EPHA4: variants seen among roughly 807,000 people sequenced by gnomAD.
The protein encoded by EPHA4 is EPH receptor A4, also known as ephrin type-A receptor 4.
Under a neutral mutation model 108.3 loss-of-function variants are expected in EPHA4, and 19 were observed. The ratio of observed to expected loss-of-function variants is 0.18; its 90% CI spans 0.12 to 0.26. The LOEUF (loss-of-function observed/expected upper bound fraction) is 0.26, where lower values mean the gene tolerates loss of function less well. Ranked by LOEUF, EPHA4 falls within the 10% of genes least tolerant of loss-of-function variation. EPHA4 has a pLI of 1.00. For missense variants in EPHA4, 917 were observed against 1,254.0 expected (o/e 0.73, Z 4.06); for synonymous variants, 449 against 455.5 (o/e 0.99, Z 0.18).
chr2:221,437,134 A>G lies in EPHA4; in HGVS notation c.2075-12T>C. ...CATTACTGGTTTACCTAGAGTTTTC[A>G]GAAAGAAAAACACAAACCTTTGATG... is the stretch of plus-strand genomic sequence containing the variant. On this transcript the variant is annotated splice_polypyrimidine_tract_variant and intron_variant, in intron 11 of 17. Coordinates refer to ENST00000281821, the MANE Select transcript of EPHA4 (RefSeq NM_004438.5). 6.2e-7 allele frequency: 1 copy of G among 1,606,890 alleles called. No homozygotes were observed. Among genetic ancestry groups the G allele is most frequent in the Non-Finnish European group, 8.5e-7 (1 of 1,174,692 alleles).
At chr2:221,443,454 A>G in intron 10 of EPHA4, 39 bp downstream of exon 10, 1 of 1,461,926 alleles carries the variant, frequency 6.8e-7, no homozygotes, top group Non-Finnish European at 9.6e-7. Flanking sequence ...ATCCACCAAG[A>G]AAACAGACTC....
chr2:221,553,598 T>C (rs577608164), intron 3 of EPHA4, among the ~76,000 whole-genome samples: 1 of 152,294 alleles, frequency 6.6e-6, no homozygotes, highest in African/African-American at 2.4e-5. Flanking sequence ...GAAGCGATTG[T>C]TACAGAAACA....
chr2:221,516,079 T>A (rs1692980416), intron 3 of EPHA4, among the ~76,000 whole-genome samples: 2 of 152,100 alleles, frequency 1.3e-5, no homozygotes, highest in South Asian at 4.1e-4. Flanking sequence ...CTCAAGGCTG[T>A]GTTAAGGTTA....
chr2:221,518,895 C>T (rs1389009443), intron 3 of EPHA4, among the ~76,000 whole-genome samples: 1 of 151,958 alleles, frequency 6.6e-6, no homozygotes, highest in African/African-American at 2.4e-5. Flanking sequence ...CACTTGTCTC[C>T]CAGAGGAAGG....
chr2:221,567,733 C>T (rs1484312648), intron 2 of EPHA4, among the ~76,000 whole-genome samples: 2 of 152,108 alleles, frequency 1.3e-5, no homozygotes, highest in South Asian at 4.1e-4. Context: ...ATTTAAAATC[C>T]TTCATTCTTT....
chr2:221,523,292 A>AT (rs1175259687), intron 3 of EPHA4, among the ~76,000 whole-genome samples: 116 of 147,202 alleles, frequency 7.9e-4, no homozygotes, highest in South Asian at 4.5e-3. Context: ...TTAGTCAATA[A>AT]TTTTTTTTTT....
intron 3 of EPHA4, among the ~76,000 whole-genome samples, chr2:221,552,472 C>A (rs1451113940): frequency 6.6e-6 from 1 of 152,204 alleles, no homozygotes; most frequent in Non-Finnish European, 1.5e-5. Flanking sequence ...AGCCTCCTGG[C>A]ACCTCTGTCA....
intron 11 of EPHA4, among the ~76,000 whole-genome samples, chr2:221,440,688 G>A (rs945516678): frequency 6.6e-6 from 1 of 150,826 alleles, no homozygotes; most frequent in African/African-American, 2.4e-5. Context: ...CACTGAACAC[G>A]TACGAGGTTT....
intron 4 of EPHA4, among the ~76,000 whole-genome samples, chr2:221,500,284 C>A (rs1692450773): frequency 6.6e-6 from 1 of 152,098 alleles, no homozygotes; most frequent in African/African-American, 2.4e-5. Flanking sequence ...GCTAGCCCTC[C>A]AAGCACAGAT....
intron 4 of EPHA4, among the ~76,000 whole-genome samples, chr2:221,487,718 T>C (rs1692019867): frequency 6.6e-6 from 1 of 152,192 alleles, no homozygotes; most frequent in South Asian, 2.1e-4. Context: ...TATAAATTAA[T>C]CAAATGCTGA....
chr2:221,497,116 G>A (rs1444833899), intron 4 of EPHA4, among the ~76,000 whole-genome samples: 1 of 152,148 alleles, frequency 6.6e-6, no homozygotes, highest in Non-Finnish European at 1.5e-5. Flanking sequence ...TCAACCTGCT[G>A]TGGAGGCAGT....
At chr2:221,507,077 T>C (rs1200182872) in intron 3 of EPHA4, among the ~76,000 whole-genome samples, 1 of 152,206 alleles carries the variant, frequency 6.6e-6, no homozygotes, top group Admixed American at 6.5e-5. Context: ...AGGCCAGATT[T>C]TGCCCATGGG....
Position 221,519,592 on chromosome 2 carries a change from C to A in EPHA4, c.824-18420G>T, listed in dbSNP as rs59356484. On this transcript the variant is annotated intron_variant, in intron 3 of 17. Coordinates refer to ENST00000281821, the MANE Select transcript of EPHA4 (RefSeq NM_004438.5). ...TATTAGGTTGGTACAAAAGTCATTG[C>A]GATCTTTGCCATTACTTTCAATGGC... is the stretch of plus-strand genomic sequence containing the variant. Among the ~76,000 whole-genome samples the A allele has an allele frequency of 2.6e-5, 4 of 152,182 alleles. No homozygotes were observed. The South Asian group carries it at 8.3e-4, about 31-fold the overall frequency.
rs759867699 is a variant in EPHA4, at chr2:221,430,083, C to T, written c.2565G>A (p.Gln855=). 1.2e-6 allele frequency: 2 copies of T among 1,613,874 alleles called. No individual in the cohort carries two copies. The highest frequency in any genetic ancestry group is 1.7e-6 in the Non-Finnish European group (2 of 1,180,004). ...PPMDCPIALH[Q]LMLDCWQKER... is the part of the protein sequence containing the mutation. Reference sequence around the variant, plus strand: ...CCTTCTGCCAGCAGTCTAGCATCAGCTGGTGGAGCGCAATGGGGCAGTCCA... The same window carrying T: ...CCTTCTGCCAGCAGTCTAGCATCAGTTGGTGGAGCGCAATGGGGCAGTCCA... Residue 855 remains glutamine, a synonymous_variant, in exon 15 of 18, where the codon CAG becomes CAA. Transcript: ENST00000281821.
At chr2:221,453,025 C>G (rs1690834145) in intron 8 of EPHA4, among the ~76,000 whole-genome samples, 1 of 152,262 alleles carries the variant, frequency 6.6e-6, no homozygotes, top group Admixed American at 6.5e-5. Context: ...TAACTTATTT[C>G]TCATTACTCC....
At chr2:221,515,739 C>T (rs889802578) in intron 3 of EPHA4, among the ~76,000 whole-genome samples, 2 of 152,094 alleles carry the variant, frequency 1.3e-5, no homozygotes, top group African/African-American at 4.8e-5. Context: ...ATCCTTTGAG[C>T]CCAGGAGGTC....
At chr2:221,496,345 C>T (rs1483348877) in intron 4 of EPHA4, among the ~76,000 whole-genome samples, 1 of 152,028 alleles carries the variant, frequency 6.6e-6, no homozygotes, top group Non-Finnish European at 1.5e-5. Flanking sequence ...TAAATAAGAA[C>T]CTAAATTTCA....
At chr2:221,453,860 G>A (rs1277530239) in intron 8 of EPHA4, among the ~76,000 whole-genome samples, 1 of 152,184 alleles carries the variant, frequency 6.6e-6, no homozygotes, top group Non-Finnish European at 1.5e-5. Context: ...ACACTTTAGA[G>A]AGTGAGGATG....
Position 221,426,632 on chromosome 2 carries a change from C to A in EPHA4, c.2691-13G>T, listed in dbSNP as rs756424360. ...GGCAGTGTTAGGTCTAGAAAGAGAA[C>A]AAGAAAATATAAGCAGAACGGAGCT... On this transcript the variant is annotated splice_polypyrimidine_tract_variant and intron_variant, in intron 15 of 17. Coordinates refer to ENST00000281821, the MANE Select transcript of EPHA4 (RefSeq NM_004438.5). The A allele has an allele frequency of 6.2e-7, 1 of 1,607,766 alleles. No individual in the cohort carries two copies. The highest frequency in any genetic ancestry group is 1.1e-5 in the South Asian group (1 of 89,606).
Sources: allele counts gnomAD v4.1 joint callset (sites outside exome capture counted in the v4.1 genomes callset), GRCh38; gene constraint gnomAD v4.1.1; transcripts MANE v1.5; gene names NCBI Gene and HGNC (gene_info 2026-07-23, HGNC 2026-07-21).